Variants in AKAP9 observed in about 807,000 individuals in gnomAD.
AKAP9 encodes A-kinase anchoring protein 9.
Under a neutral mutation model 488.5 loss-of-function variants are expected in AKAP9, and 311 were observed. The observed-to-expected ratio is 0.64, with a 90% CI of 0.58 to 0.70. The LOEUF is 0.70. AKAP9 is among the 30% of genes least tolerant of loss of function. The pLI, the probability that AKAP9 is intolerant of heterozygous loss-of-function variation, is 0.00. For synonymous variants in AKAP9, 1,462 were observed against 1,483.5 expected (o/e 0.99, Z 0.33); for missense variants, 4,215 against 4,374.5 (o/e 0.96, Z 1.03).
chr7:92,002,672 G>A lies in AKAP9; in HGVS notation c.2755G>A (p.Glu919Lys). Residue 919 changes from glutamate (E) to lysine (K), a missense_variant, in exon 8 of 50, where the codon GAA (glutamate) becomes AAA (lysine). Transcript: ENST00000356239. ...GAAAATGAAAAGTTCTGTCTTTGAT[G>A]AAGACAAAACTTTTGTAGCAGAAAC... The part of the protein sequence containing the change: ...TVKMKSSVFD[E>K]DKTFVAETLE... The A allele has an allele frequency of 1.2e-6, 2 of 1,613,386 alleles. No individual in the cohort carries two copies. The highest frequency in any genetic ancestry group is 1.7e-6 in the Non-Finnish European group (2 of 1,179,630).
At chr7:92,094,144 C>T (rs999353520) in intron 39 of AKAP9, among the ~76,000 whole-genome samples, 4 of 152,062 alleles carry the variant, frequency 2.6e-5, no homozygotes, top group Non-Finnish European at 5.9e-5. Flanking sequence ...AGCCACCATG[C>T]CCAGCCAAAA....
At chr7:91,942,802 A>G (rs1406695488) in intron 1 of AKAP9, among the ~76,000 whole-genome samples, 1 of 152,162 alleles carries the variant, frequency 6.6e-6, no homozygotes, top group Non-Finnish European at 1.5e-5. Flanking sequence ...GTATGGGGTA[A>G]AAACCTGTTT....
intron 1 of AKAP9, among the ~76,000 whole-genome samples, chr7:91,946,347 A>G (rs543780423): frequency 2.1e-4 from 32 of 151,618 alleles, no homozygotes; most frequent in African/African-American, 7.7e-4. Context: ...CATTTATTGC[A>G]GCAATAGTGC....
At chr7:91,986,216 G>C (rs1006049384) in intron 3 of AKAP9, among the ~76,000 whole-genome samples, 1 of 152,198 alleles carries the variant, frequency 6.6e-6, no homozygotes, top group Admixed American at 6.5e-5. Context: ...GCACGGGAGA[G>C]AATCTCCTGG....
At chr7:92,016,555 AG>A (rs989745467) in intron 11 of AKAP9, among the ~76,000 whole-genome samples, 4 of 152,018 alleles carry the variant, frequency 2.6e-5, no homozygotes, top group African/African-American at 9.7e-5. Flanking sequence ...TTTATACCAT[AG>A]ATCCAAATTT....
chr7:91,948,751 A>G (rs1791825251), intron 1 of AKAP9, among the ~76,000 whole-genome samples: 1 of 151,718 alleles, frequency 6.6e-6, no homozygotes, highest in South Asian at 2.1e-4. Context: ...AGATGGGATT[A>G]CAGGCATCCA....
intron 1 of AKAP9, among the ~76,000 whole-genome samples, chr7:91,948,829 G>A (rs1206754088): frequency 1.3e-5 from 2 of 151,240 alleles, no homozygotes; most frequent in Non-Finnish European, 2.9e-5. Context: ...GGCCAGGCTG[G>A]TCTTGAACTC....
chr7:92,064,890 G>A (rs969435621), intron 24 of AKAP9, among the ~76,000 whole-genome samples: 1 of 151,602 alleles, frequency 6.6e-6, no homozygotes, highest in African/African-American at 2.4e-5. Flanking sequence ...TTTTTTCTGT[G>A]CTTGAATTTA....
intron 47 of AKAP9, among the ~76,000 whole-genome samples, chr7:92,106,682 A>G (rs62465453): frequency 0.044 from 6,680 of 152,314 alleles, 198 homozygotes; most frequent in Non-Finnish European, 0.068. Context: ...GGCAATAAAG[A>G]TGAGGTCCGA....
At chr7:91,964,820 T>C (rs1203002969) in intron 1 of AKAP9, among the ~76,000 whole-genome samples, 1 of 152,148 alleles carries the variant, frequency 6.6e-6, no homozygotes, top group African/African-American at 2.4e-5. Context: ...TTGTTTACTT[T>C]TCTAAAAAAG....
intron 28 of AKAP9, among the ~76,000 whole-genome samples, chr7:92,073,550 T>C (rs898599203): frequency 9.2e-5 from 14 of 152,026 alleles, no homozygotes; most frequent in African/African-American, 3.1e-4. Flanking sequence ...ATCCAAACAT[T>C]AATTTCAATT....
intron 30 of AKAP9, 74 bp from the exon 31 acceptor site, chr7:92,079,005 C>A: frequency 1.0e-6 from 1 of 984,252 alleles, no homozygotes; most frequent in Non-Finnish European, 1.5e-6. Flanking sequence ...GAGGTACTGC[C>A]CTAAAATAAA....
At chr7:92,083,949 G>T (rs1238569577) in intron 33 of AKAP9, among the ~76,000 whole-genome samples, 4 of 152,248 alleles carry the variant, frequency 2.6e-5, no homozygotes, top group African/African-American at 9.6e-5. Context: ...TCTACATTAG[G>T]TATTTCTCCT....
At chr7:91,962,845 A>T (rs1297396361) in intron 1 of AKAP9, among the ~76,000 whole-genome samples, 1 of 152,070 alleles carries the variant, frequency 6.6e-6, no homozygotes, top group African/African-American at 2.4e-5. Flanking sequence ...ACTGTTTATG[A>T]TGCAAAGTTT....
chr7:92,042,262 T>C, intron 19 of AKAP9, 76 bp downstream of exon 19: 2 of 1,587,014 alleles, frequency 1.3e-6, no homozygotes, highest in Non-Finnish European at 1.7e-6. Context: ...GTTGTTGGTA[T>C]GAGATGTATT....
In AKAP9 at chr7:92,052,877, A is replaced by G; in HGVS notation, c.5520A>G (p.Glu1840=). The G allele has an allele frequency of 3.7e-6, 6 of 1,613,922 alleles. No homozygotes were observed. Among genetic ancestry groups the G allele is most frequent in the Non-Finnish European group, 5.1e-6 (6 of 1,179,884 alleles). Residue 1840 remains glutamate (E), a synonymous_variant, in exon 22 of 50, where the codon GAA becomes GAG. Transcript: ENST00000356239. The part of the protein sequence containing the change: ...FAGTEIDPEN[E]ELMLNISSRL... ...GAACTGAAATAGACCCTGAAAATGA[A>G]GAACTTATGCTGAACATTAGCTCTC...
intron 26 of AKAP9, among the ~76,000 whole-genome samples, chr7:92,069,726 A>G (rs1811369992): frequency 6.6e-6 from 1 of 152,048 alleles, no homozygotes; most frequent in African/African-American, 2.4e-5. Flanking sequence ...AAAAAGTTTC[A>G]GATTTTGACC....
At chr7:91,954,682 T>C (rs561645355) in intron 1 of AKAP9, among the ~76,000 whole-genome samples, 48 of 150,516 alleles carry the variant, frequency 3.2e-4, no homozygotes, top group African/African-American at 1.1e-3. Flanking sequence ...TTTTGCTGCA[T>C]ATAGGAAACA....
chr7:92,077,668 C>G (rs374619379), intron 29 of AKAP9, 28 bp from the exon 30 acceptor site: 194 of 1,593,574 alleles, frequency 1.2e-4, no homozygotes, highest in Non-Finnish European at 1.6e-4. Flanking sequence ...ATGATATATC[C>G]AACTGTGATA....
Sources: allele counts gnomAD v4.1 joint callset (sites outside exome capture counted in the v4.1 genomes callset), GRCh38; gene constraint gnomAD v4.1.1; transcripts MANE v1.5; gene names NCBI Gene and HGNC (gene_info 2026-07-23, HGNC 2026-07-21).